LRRC8B: variants seen among roughly 807,000 people sequenced by gnomAD.
LRRC8B encodes volume-regulated anion channel subunit LRRC8B.
LRRC8B carries 23 observed loss-of-function variants against 58.8 expected under a neutral mutation model. That is an observed-to-expected ratio of 0.39 (90% CI 0.28 to 0.55). LRRC8B has a LOEUF of 0.55. Among genes scored for constraint, LRRC8B ranks in the 20% least tolerant of loss-of-function variants. The probability of loss-of-function intolerance (pLI) is 0.62; values close to 1 mark genes in which losing one functional copy is unlikely to be tolerated. For missense variants in LRRC8B, 694 were observed against 936.0 expected (o/e 0.74, Z 3.37); for synonymous variants, 359 against 374.1 (o/e 0.96, Z 0.47).
In LRRC8B at chr1:89,583,742, T is replaced by G; in HGVS notation, c.1092T>G (p.Asn364Lys). 1 of 1,614,228 alleles carries G rather than the reference T, an allele frequency of 6.2e-7. No homozygotes were observed. Among genetic ancestry groups the G allele is most frequent in the Non-Finnish European group, 8.5e-7 (1 of 1,180,038 alleles). ...SNYSDIPDVK[N>K]DFAFILHLAD... Reference sequence around the variant, plus strand: ...ACAGTGACATCCCTGATGTCAAGAATGACTTTGCCTTCATCCTTCATCTGG... The same window carrying G: ...ACAGTGACATCCCTGATGTCAAGAAGGACTTTGCCTTCATCCTTCATCTGG... The change falls in exon 5 of 6, where the codon AAT (asparagine) becomes AAG (lysine). Residue 364 changes from asparagine (N) to lysine (K), a missense_variant. Asn to Lys is a moderately conservative substitution (Grantham distance 94). Around this residue, in one of 5 missense-constraint regions of LRRC8B, gnomAD observed 24 missense variants for 63.2 expected, o/e 0.38. Transcript: ENST00000330947. This position sits in a 1 kb window ranked among gnomAD's most constrained non-coding sequence, Gnocchi z 5.2.
chr1:89,554,010 T>G (rs1194563777), intron 1 of LRRC8B, among the ~76,000 whole-genome samples: 1 of 152,194 alleles, frequency 6.6e-6, no homozygotes, highest in Non-Finnish European at 1.5e-5. Flanking sequence ...GATTTGAATA[T>G]TCTAAAAGTG....
At position 89,584,428 on chromosome 1, in the gene LRRC8B, T is replaced by A; in HGVS notation, c.1778T>A (p.Ile593Asn). The change falls in exon 5 of 6, where the codon ATC (isoleucine) becomes AAC (asparagine). Residue 593 changes from isoleucine to asparagine, a missense_variant. Ile to Asn is a moderately radical substitution (Grantham distance 149, BLOSUM62 -3). Around this residue, in one of 5 missense-constraint regions of LRRC8B, gnomAD observed 53 missense variants for 112.3 expected, o/e 0.47. Transcript: ENST00000330947. ...GTCAATCTGAAAAGCCTAGAACTGA[T>A]CAGCTGTGACCTGGAACGCATCCCA... ...KMVNLKSLEL[I>N]SCDLERIPHS... The A allele has an allele frequency of 6.2e-7, 1 of 1,614,174 alleles. No individual in the cohort carries two copies. Among genetic ancestry groups the A allele is most frequent in the Non-Finnish European group, 8.5e-7 (1 of 1,180,028 alleles).
intron 1 of LRRC8B, among the ~76,000 whole-genome samples, chr1:89,525,900 C>G (rs1292188646): frequency 1.3e-5 from 2 of 152,102 alleles, no homozygotes; most frequent in Non-Finnish European, 2.9e-5. Context: ...TAAAAGATAA[C>G]AGTATGAACA....
At chr1:89,560,715 C>T (rs568491619) in intron 1 of LRRC8B, among the ~76,000 whole-genome samples, 1 of 149,834 alleles carries the variant, frequency 6.7e-6, no homozygotes, top group East Asian at 1.9e-4. Context: ...AGGACATGAA[C>T]TCATCATTTT....
intron 1 of LRRC8B, among the ~76,000 whole-genome samples, chr1:89,536,392 T>C (rs1242933349): frequency 6.6e-6 from 1 of 152,182 alleles, no homozygotes; most frequent in Non-Finnish European, 1.5e-5. Context: ...TCTCTAAGGA[T>C]TGGGAAACTT....
chr1:89,577,477 G>A (rs116124295), intron 3 of LRRC8B, among the ~76,000 whole-genome samples: 1,745 of 152,238 alleles, frequency 0.011, 39 homozygotes, highest in African/African-American at 0.04. Context: ...TTGATTTAGT[G>A]TGTTTGTATA....
Position 89,527,319 on chromosome 1 carries a change from A to G in LRRC8B, c.-241+2297A>G, listed in dbSNP as rs527944595. Reference sequence around the variant, plus strand: ...GGTGTCTCTAAAGTTGAATTCTCTAATTTTACTCTTATTTCTCCTTCCCAG... The same window carrying G: ...GGTGTCTCTAAAGTTGAATTCTCTAGTTTTACTCTTATTTCTCCTTCCCAG... On this transcript the variant is annotated intron_variant, in intron 1 of 5. Transcript: ENST00000330947. Among the ~76,000 whole-genome samples, 17 of 152,202 alleles carry G rather than the reference A, an allele frequency of 1.1e-4. No homozygotes were observed. In the South Asian group the frequency reaches 3.3e-3, roughly 30 times the overall value.
chr1:89,539,346 A>G (rs749623868), intron 1 of LRRC8B, among the ~76,000 whole-genome samples: 1 of 152,160 alleles, frequency 6.6e-6, no homozygotes, highest in East Asian at 1.9e-4. Flanking sequence ...GAAATAGAGA[A>G]CAAAGCAGAT....
chr1:89,596,073 T>C lies in LRRC8B; in HGVS notation c.*3030T>C, dbSNP rs1331052219. The C allele has an allele frequency of 6.6e-6, 1 of 152,088 alleles. No individual in the cohort carries two copies. The highest frequency in any genetic ancestry group is 2.4e-5 in the African/African-American group (1 of 41,426). 9.4% of individuals were successfully genotyped at this position (152,088 alleles called of 1,614,324 possible). A position where few individuals can be genotyped will look rare whatever the true frequency, so the allele number is the denominator to read the frequency against. ...TATCTAGTGGTTTTTTTTTCAAAATTGCAGGAGGTTGTAGATTAAATTAAG... is the reference window on the plus strand; with the variant it reads ...TATCTAGTGGTTTTTTTTTCAAAATCGCAGGAGGTTGTAGATTAAATTAAG... On this transcript the variant is annotated 3_prime_UTR_variant, in exon 6 of 6. Coordinates refer to ENST00000330947, the MANE Select transcript of LRRC8B (RefSeq NM_001369817.2).
intron 1 of LRRC8B, among the ~76,000 whole-genome samples, chr1:89,534,473 G>A (rs995957539): frequency 6.6e-6 from 1 of 151,808 alleles, no homozygotes; most frequent in Non-Finnish European, 1.5e-5. Context: ...GTGTAACACT[G>A]TTATGATTGA....
intron 5 of LRRC8B, among the ~76,000 whole-genome samples, chr1:89,585,532 T>C (rs1654556891): frequency 6.6e-6 from 1 of 152,196 alleles, no homozygotes; most frequent in Admixed American, 6.5e-5. Context: ...GTGAGGCTAA[T>C]GTCCATTTGG....
At chr1:89,552,447 A>C (rs1052291447) in intron 1 of LRRC8B, among the ~76,000 whole-genome samples, 7 of 152,190 alleles carry the variant, frequency 4.6e-5, no homozygotes, top group African/African-American at 1.7e-4. Flanking sequence ...TTAGACAATA[A>C]GAATAATCGT....
intron 1 of LRRC8B, among the ~76,000 whole-genome samples, chr1:89,551,117 T>TG: frequency 6.6e-6 from 1 of 152,044 alleles, no homozygotes; most frequent in African/African-American, 2.4e-5. Context: ...AACACCCCTC[T>TG]GCTCTTTCCC....
intron 3 of LRRC8B, among the ~76,000 whole-genome samples, chr1:89,570,618 TAGTC>T (rs1434624488): frequency 2.6e-5 from 4 of 152,198 alleles, no homozygotes; most frequent in African/African-American, 9.6e-5. Context: ...TATTAGACCT[TAGTC>T]AGATGCATAG....
At chr1:89,545,143 T>C (rs754526120) in intron 1 of LRRC8B, among the ~76,000 whole-genome samples, 6 of 152,214 alleles carry the variant, frequency 3.9e-5, no homozygotes, top group Non-Finnish European at 7.3e-5. Context: ...TAATCCCATC[T>C]GATCTCTGCA....
rs1360853049 is a variant in LRRC8B at position 89,531,228 on chromosome 1, T to G, written c.-241+6206T>G. ...CTTTCAGAAGCATTTCTGAATCATG[T>G]AGGGAAGTTTAAATTTTTCCCTGAA... On this transcript the variant is annotated intron_variant, in intron 1 of 5. Coordinates refer to ENST00000330947, the MANE Select transcript of LRRC8B (RefSeq NM_001369817.2). 3.9e-5 allele frequency among the ~76,000 whole-genome samples: 6 copies of G among 152,228 alleles called. No homozygotes were observed. In the East Asian group the frequency reaches 1.2e-3, roughly 29 times the overall value.
rs997480608 is a variant in LRRC8B, at chr1:89,594,225, C to T, written c.*1182C>T. 1.3e-5 allele frequency: 2 copies of T among 152,006 alleles called. No individual in the cohort carries two copies. Among genetic ancestry groups the T allele is most frequent in the South Asian group, 2.1e-4 (1 of 4,816 alleles). The allele number at this position is 152,006 out of a possible 1,614,324, so 9.4% of individuals were successfully genotyped here. The stretch of plus-strand genomic sequence containing the variant: ...AACTTACTGTTAGTGTTCTTGGTTT[C>T]GGCTGTTTATGACTCATGTTTATGT... On this transcript the variant is annotated 3_prime_UTR_variant, in exon 6 of 6. Transcript: ENST00000330947.
intron 5 of LRRC8B, among the ~76,000 whole-genome samples, chr1:89,591,190 A>G (rs1654949802): frequency 6.6e-6 from 1 of 152,240 alleles, no homozygotes; most frequent in Admixed American, 6.5e-5. Context: ...AATATAAATG[A>G]GCCAAGCCTA....
intron 5 of LRRC8B, among the ~76,000 whole-genome samples, chr1:89,587,190 A>G (rs1316925582): frequency 6.6e-6 from 1 of 152,216 alleles, no homozygotes; most frequent in Non-Finnish European, 1.5e-5. Context: ...GGACTGCCAG[A>G]TACTCAGTAG....
Sources: gnomAD v4.1 joint callset for allele counts (sites outside exome capture counted in the v4.1 genomes callset) on GRCh38, gnomAD v4.1.1 for gene constraint, gnomAD v4.1.1 regional missense constraint, Gnocchi (gnomAD v3.1) non-coding constraint, MANE v1.5 for transcripts, NCBI Gene and HGNC (gene_info 2026-07-23, HGNC 2026-07-21) for gene names.